The following CCBE1 variants were observed in gnomAD, a reference collection of about 807,000 sequenced individuals.
CCBE1 encodes collagen and calcium binding EGF domains 1, also known as collagen and calcium-binding EGF domain-containing protein 1.
A neutral mutation model predicts 50.0 loss-of-function variants in CCBE1; 37 were observed. That is an observed-to-expected ratio of 0.74 (90% confidence interval 0.57 to 0.97). CCBE1 has a LOEUF of 0.97. Among genes scored for constraint, CCBE1 ranks in the 50% least tolerant of loss-of-function variants. The probability of loss-of-function intolerance (pLI) is 0.00; values close to 1 mark genes in which losing one functional copy is unlikely to be tolerated. For synonymous variants in CCBE1, 234 were observed against 203.7 expected (o/e 1.15, Z -1.27); for missense variants, 538 against 523.8 (o/e 1.03, Z -0.26).
chr18:59,696,366 C>T (rs1168786061), intron 2 of CCBE1: 1 of 818,394 alleles, frequency 1.2e-6, no homozygotes, highest in Non-Finnish European at 1.8e-6. Context: ...TCACAGACTT[C>T]CACACAAGTA....
chr18:59,491,173 A>G (rs938898379), intron 2 of CCBE1, among the ~76,000 whole-genome samples: 2 of 152,258 alleles, frequency 1.3e-5, no homozygotes, highest in East Asian at 1.9e-4. Flanking sequence ...AGCTTCAAGC[A>G]TTAGCATGAT....
rs1205669475 is a variant in CCBE1 at position 59,591,071 on chromosome 18, C to T, written c.212+105558G>A. Among the ~76,000 whole-genome samples the T allele has an allele frequency of 8.4e-5, 5 of 59,828 alleles. 2 individuals are homozygous for T. Among genetic ancestry groups the T allele is most frequent in the Admixed American group, 3.4e-4 (2 of 5,916 alleles). The allele number at this position is 59,828 out of a possible 152,430, so 39.2% of individuals were successfully genotyped here. On this transcript the variant is annotated intron_variant, in intron 2 of 10. Coordinates refer to ENST00000439986, the MANE Select transcript of CCBE1 (RefSeq NM_133459.4). ...CATCCTGGCTAACACGGTGAAACCC[C>T]GTCTCTACTAAAAATACAAAAAAAA...
chr18:59,692,207 C>T (rs1053612147), intron 2 of CCBE1, among the ~76,000 whole-genome samples: 21 of 152,204 alleles, frequency 1.4e-4, no homozygotes, highest in African/African-American at 5.1e-4. Flanking sequence ...AACATGCAGA[C>T]TTGGCAAGAT....
intron 2 of CCBE1, among the ~76,000 whole-genome samples, chr18:59,641,578 C>T (rs1012040879): frequency 6.6e-6 from 1 of 152,160 alleles, no homozygotes; most frequent in African/African-American, 2.4e-5. Flanking sequence ...AACAAACCTG[C>T]ACATGTACCC....
intron 2 of CCBE1, among the ~76,000 whole-genome samples, chr18:59,489,931 G>T (rs1913011169): frequency 6.8e-6 from 1 of 147,664 alleles, no homozygotes; most frequent in South Asian, 2.1e-4. Context: ...TATTACCTTT[G>T]TAAAAAATAA....
chr18:59,604,996 T>C (rs530649529), intron 2 of CCBE1, among the ~76,000 whole-genome samples: 1 of 152,328 alleles, frequency 6.6e-6, no homozygotes, highest in East Asian at 1.9e-4. Context: ...GTCCAGTCAC[T>C]GCCACCTACA....
At chr18:59,547,783 C>T (rs532803611) in intron 2 of CCBE1, among the ~76,000 whole-genome samples, 1 of 152,200 alleles carries the variant, frequency 6.6e-6, no homozygotes, top group East Asian at 1.9e-4. Flanking sequence ...TCTGGGCGGC[C>T]CAGAAGCATG....
chr18:59,514,307 C>T (rs189424501), intron 2 of CCBE1, among the ~76,000 whole-genome samples: 195 of 152,322 alleles, frequency 1.3e-3, no homozygotes, highest in Non-Finnish European at 2.4e-3. Flanking sequence ...TAAGTGCTGA[C>T]TGCCATGCCT....
intron 2 of CCBE1, among the ~76,000 whole-genome samples, chr18:59,592,191 A>T (rs1199077938): frequency 6.6e-6 from 1 of 152,184 alleles, no homozygotes; most frequent in Non-Finnish European, 1.5e-5. Flanking sequence ...GCCTGTGAAC[A>T]GCCACTGCAC....
At chr18:59,603,923 T>C (rs897145173) in intron 2 of CCBE1, among the ~76,000 whole-genome samples, 2 of 152,230 alleles carry the variant, frequency 1.3e-5, no homozygotes, top group African/African-American at 4.8e-5. Context: ...TGACTCTGTT[T>C]CCATATCCAA....
intron 2 of CCBE1, among the ~76,000 whole-genome samples, chr18:59,497,970 G>T (rs966068118): frequency 1.3e-5 from 2 of 152,228 alleles, no homozygotes; most frequent in African/African-American, 4.8e-5. Flanking sequence ...CTGGCTGACT[G>T]GTCGTTAAGA....
intron 2 of CCBE1, among the ~76,000 whole-genome samples, chr18:59,603,871 C>G (rs1390031559): frequency 6.6e-6 from 1 of 152,202 alleles, no homozygotes; most frequent in African/African-American, 2.4e-5. Context: ...ATCTGAAGCT[C>G]TGTCCTGACC....
intron 2 of CCBE1, among the ~76,000 whole-genome samples, chr18:59,684,042 T>C (rs2054626331): frequency 6.6e-6 from 1 of 152,178 alleles, no homozygotes. Context: ...TCTCTGCTGA[T>C]TATAATTTAC....
chr18:59,577,077 G>A (rs1225524559), intron 2 of CCBE1, among the ~76,000 whole-genome samples: 2 of 152,228 alleles, frequency 1.3e-5, no homozygotes, highest in Non-Finnish European at 2.9e-5. Context: ...GGGTCCTCAT[G>A]TAAACTTGTG....
intron 7 of CCBE1, among the ~76,000 whole-genome samples, chr18:59,447,681 G>GA (rs1477415968): frequency 6.6e-6 from 1 of 152,102 alleles, no homozygotes; most frequent in Non-Finnish European, 1.5e-5. Context: ...AATTTTTCCA[G>GA]AAAAAGGTTT....
Position 59,439,800 on chromosome 18 carries a change from C to T in CCBE1, c.792G>A (p.Lys264=), listed in dbSNP as rs898039922. The change falls in exon 8 of 11, where the codon AAG becomes AAA. Residue 264 remains lysine, a synonymous_variant. Transcript: ENST00000439986. ...GCATACCGGGGAAGCCTGGGCTTCC[C>T]TTTGGTCCTGGTGAGCCTGTAATCA... ...GQGPPGSPGP[K]GSPGFPGMPG... 1 of 1,613,830 alleles carries T rather than the reference C, an allele frequency of 6.2e-7. No individual in the cohort carries two copies. The highest frequency in any genetic ancestry group is 8.5e-7 in the Non-Finnish European group (1 of 1,180,016).
intron 2 of CCBE1, among the ~76,000 whole-genome samples, chr18:59,626,804 C>T (rs1056521514): frequency 6.6e-6 from 1 of 152,226 alleles, no homozygotes; most frequent in Non-Finnish European, 1.5e-5. Context: ...GAGATAAGAA[C>T]AGTGTTCCCA....
rs368148547 is a variant in CCBE1 at position 59,657,272 on chromosome 18, C to T, written c.212+39357G>A. ...GAAGGTGTCAGAGCTTCAAGGCATG[C>T]CCAGGACGGAGAGGTGGTTCCACAG... On this transcript the variant is annotated intron_variant, in intron 2 of 10. Coordinates refer to ENST00000439986, the MANE Select transcript of CCBE1 (RefSeq NM_133459.4). 3.1e-4 allele frequency among the ~76,000 whole-genome samples: 47 copies of T among 152,308 alleles called. 4 individuals carry two copies. The South Asian group carries it at 8.1e-3, about 26-fold the overall frequency.
intron 2 of CCBE1, among the ~76,000 whole-genome samples, chr18:59,532,585 A>G (rs1249348385): frequency 6.6e-6 from 1 of 152,092 alleles, no homozygotes; most frequent in African/African-American, 2.4e-5. Flanking sequence ...TTTGCCTCCC[A>G]TTTTCTCATA....
Sources: gnomAD v4.1 joint callset for allele counts (sites outside exome capture counted in the v4.1 genomes callset) on GRCh38, gnomAD v4.1.1 for gene constraint, MANE v1.5 for transcripts, NCBI Gene and HGNC (gene_info 2026-07-23, HGNC 2026-07-21) for gene names.